The following ZEB1 variants were observed in gnomAD, a reference collection of about 807,000 sequenced individuals.
ZEB1 encodes zinc finger E-box-binding homeobox 1.
Under a neutral mutation model 84.9 loss-of-function variants are expected in ZEB1, and 21 were observed. The observed-to-expected ratio is 0.25, with a 90% CI of 0.18 to 0.36. The LOEUF is 0.36. ZEB1 is among the 10% of genes least tolerant of loss of function. The probability of loss-of-function intolerance (pLI) is 1.00; values close to 1 mark genes in which losing one functional copy is unlikely to be tolerated. For missense variants in ZEB1, 1,104 were observed against 1,330.2 expected (o/e 0.83, Z 2.65); for synonymous variants, 420 against 471.1 (o/e 0.89, Z 1.41).
intron 1 of ZEB1, among the ~76,000 whole-genome samples, chr10:31,422,411 A>G (rs1327421752): frequency 1.3e-5 from 2 of 152,162 alleles, no homozygotes; most frequent in African/African-American, 4.8e-5. Context: ...TTAAGGTTGT[A>G]GAATATTGGC....
intron 2 of ZEB1, among the ~76,000 whole-genome samples, chr10:31,495,178 A>G (rs981839676): frequency 6.6e-6 from 1 of 152,062 alleles, no homozygotes; most frequent in African/African-American, 2.4e-5. Flanking sequence ...AACTTCTCCA[A>G]GCCTCAAGTT....
At chr10:31,321,400 T>C in intron 1 of ZEB1, 2 of 1,600,582 alleles carry the variant, frequency 1.2e-6, no homozygotes, top group South Asian at 2.2e-5. Flanking sequence ...GGTATTCTCA[T>C]TGTGGAGAGA....
intron 1 of ZEB1, chr10:31,387,777 A>G (rs1183820812): frequency 2.0e-6 from 2 of 984,740 alleles, no homozygotes; most frequent in Non-Finnish European, 2.4e-6. Flanking sequence ...TGTGGAAGCA[A>G]AGGTCATCTA....
chr10:31,501,628 C>A (rs780487929), intron 3 of ZEB1, among the ~76,000 whole-genome samples: 11 of 152,006 alleles, frequency 7.2e-5, no homozygotes, highest in Admixed American at 3.3e-4. Flanking sequence ...AGCTCCCCCC[C>A]CCATTATCTG....
chr10:31,346,750 G>C (rs2040389169), intron 1 of ZEB1, among the ~76,000 whole-genome samples: 1 of 152,010 alleles, frequency 6.6e-6, no homozygotes, highest in Non-Finnish European at 1.5e-5. Flanking sequence ...TGTGTGAAGG[G>C]AACTTAAATC....
At chr10:31,502,195 ATGAG>A (rs1185974048) in intron 3 of ZEB1, among the ~76,000 whole-genome samples, 149 bp from the exon 4 acceptor site, 8 of 152,198 alleles carry the variant, frequency 5.3e-5, no homozygotes, top group African/African-American at 1.7e-4. Flanking sequence ...TTACAACAAA[ATGAG>A]TGGAATTCAT....
intron 2 of ZEB1, 47 bp downstream of exon 2, chr10:31,461,284 T>G (rs746753406): frequency 1.3e-6 from 2 of 1,522,172 alleles, no homozygotes; most frequent in Non-Finnish European, 1.8e-6. Context: ...TGATTCGTTT[T>G]TTAAAATATA....
chr10:31,393,015 T>C (rs2050047399), intron 1 of ZEB1, among the ~76,000 whole-genome samples: 1 of 152,076 alleles, frequency 6.6e-6, no homozygotes, highest in Non-Finnish European at 1.5e-5. Context: ...TTCTGTGTTT[T>C]TTGTTGAGAC....
At chr10:31,477,399 A>T (rs58270595) in intron 2 of ZEB1, among the ~76,000 whole-genome samples, 5,897 of 152,120 alleles carry the variant, frequency 0.039, 376 homozygotes, top group African/African-American at 0.13. Context: ...GTGCTCATGG[A>T]TTGGAAGACT....
rs571197869 is a variant in ZEB1, at chr10:31,484,590, A to G, written c.260-11186A>G. ...AAACTATGCCATTAACTTCCGTACT[A>G]TCATAAGTCACTCAGATGATTCAGG... On this transcript the variant is annotated intron_variant, in intron 2 of 8. Transcript: ENST00000424869. Among the ~76,000 whole-genome samples, 14 of 152,128 alleles carry G rather than the reference A, an allele frequency of 9.2e-5. No individual in the cohort carries two copies. In the South Asian group the frequency reaches 2.3e-3, roughly 25 times the overall value.
At chr10:31,359,699 TC>T (rs1021653439) in intron 1 of ZEB1, among the ~76,000 whole-genome samples, 2 of 152,204 alleles carry the variant, frequency 1.3e-5, no homozygotes, top group African/African-American at 4.8e-5. Context: ...CATAGATACT[TC>T]CTGAATTTTT....
chr10:31,475,070 G>GGGA, intron 2 of ZEB1, among the ~76,000 whole-genome samples: 1 of 150,726 alleles, frequency 6.6e-6, no homozygotes. Flanking sequence ...GTGGGGTGGG[G>GGGA]CGGGGGGGAG....
At chr10:31,366,560 C>T (rs1382636541) in intron 1 of ZEB1, among the ~76,000 whole-genome samples, 1 of 152,230 alleles carries the variant, frequency 6.6e-6, no homozygotes, top group Non-Finnish European at 1.5e-5. Flanking sequence ...AACAATCTTC[C>T]TGAAGTACTA....
chr10:31,520,681 TACA>T lies in ZEB1; in HGVS notation c.1354_1356del (p.Gln452del). The T allele has an allele frequency of 6.2e-7, 1 of 1,614,092 alleles. No homozygotes were observed. Among genetic ancestry groups the T allele is most frequent in the East Asian group, 2.2e-5 (1 of 44,846 alleles). ...CAAGAAACAATCAATGCTTCACCCA[TACA>T]ACAAGGTGGCCATTCTGTTATTTCA... On this transcript the variant is annotated inframe_deletion, in exon 7 of 9. Transcript: ENST00000424869. The surrounding 1 kb of genome is among the most constrained non-coding windows in gnomAD (Gnocchi z 5.1).
chr10:31,505,975 T>C (rs971151854), intron 4 of ZEB1, among the ~76,000 whole-genome samples: 3 of 152,052 alleles, frequency 2.0e-5, no homozygotes, highest in Non-Finnish European at 4.4e-5. Context: ...TTAATTTTAA[T>C]TTCATTTAAA....
chr10:31,360,360 T>G (rs536817073), intron 1 of ZEB1, among the ~76,000 whole-genome samples: 3 of 152,330 alleles, frequency 2.0e-5, no homozygotes, highest in Admixed American at 2.0e-4. Flanking sequence ...ATATACTATC[T>G]CTCACGGTTG....
upstream of ZEB1, chr10:31,318,780 G>A: frequency 5.2e-6 from 1 of 191,918 alleles, no homozygotes; most frequent in South Asian, 8.3e-5. Flanking sequence ...CGCTCGGAGG[G>A]GCAGCTCCGA....
intron 1 of ZEB1, among the ~76,000 whole-genome samples, chr10:31,393,599 T>G (rs1309862970): frequency 6.6e-6 from 1 of 152,218 alleles, no homozygotes; most frequent in African/African-American, 2.4e-5. Flanking sequence ...TTAGTTGACC[T>G]CACTCAATTC....
rs369157242 is a variant in ZEB1, at chr10:31,419,028, C to CT, written c.59-42008dup. Among the ~76,000 whole-genome samples the CT allele has an allele frequency of 6.6e-5, 10 of 152,170 alleles. No homozygotes were observed. The East Asian group carries it at 1.9e-3, about 29-fold the overall frequency. On this transcript the variant is annotated intron_variant, in intron 1 of 8. Transcript: ENST00000424869. ...GTATGCTCATCCTGTATTCTTAGTA[C>CT]TAGTAATGTTTCTCTGAGCAAAATA...
Sources: allele counts gnomAD v4.1 joint callset (sites outside exome capture counted in the v4.1 genomes callset), GRCh38; gene constraint gnomAD v4.1.1; non-coding constraint Gnocchi (gnomAD v3.1); transcripts MANE v1.5; gene names NCBI Gene and HGNC (gene_info 2026-07-23, HGNC 2026-07-21).